Variants in PTPRT observed in about 807,000 individuals in gnomAD.
PTPRT encodes the protein receptor-type tyrosine-protein phosphatase T.
A neutral mutation model predicts 176.8 loss-of-function variants in PTPRT; 56 were observed. That is an observed-to-expected ratio of 0.32 (90% CI 0.26 to 0.40). The LOEUF (loss-of-function observed/expected upper bound fraction) is 0.40. PTPRT is among the 10% of genes least tolerant of loss of function. PTPRT has a pLI of 1.00. For synonymous variants in PTPRT, 783 were observed against 739.0 expected (o/e 1.06, Z -0.96); for missense variants, 1,540 against 1,908.2 (o/e 0.81, Z 3.60).
chr20:42,988,265 T>A (rs998138179), intron 1 of PTPRT, among the ~76,000 whole-genome samples: 1 of 152,222 alleles, frequency 6.6e-6, no homozygotes, highest in African/African-American at 2.4e-5. Flanking sequence ...GGCCTCACTT[T>A]CCTTGTCTAC....
At position 42,350,234 on chromosome 20, in the gene PTPRT, T is replaced by TTG. The variant is rs1568799608; in HGVS notation, c.1865+393_1865+394insCA. The stretch of plus-strand genomic sequence containing the variant: ...TTCTTGTTTTTTTTTTTTTTTTTTT[T>TTG]TTTTTTTTTTTTGAGACAGGGTCTC... On this transcript the variant is annotated intron_variant, in intron 11 of 30. Transcript: ENST00000373187. Among the ~76,000 whole-genome samples, 23 of 142,446 alleles carry TTG rather than the reference T, an allele frequency of 1.6e-4. No homozygotes were observed. The South Asian group carries it at 4.9e-3, about 30-fold the overall frequency. The allele number at this position is 142,446 out of a possible 152,430, so 93.5% of individuals were successfully genotyped here. A position where few individuals can be genotyped will look rare whatever the true frequency, so the allele number is the denominator to read the frequency against.
chr20:42,542,437 G>C (rs536463634), intron 7 of PTPRT, among the ~76,000 whole-genome samples: 2 of 152,170 alleles, frequency 1.3e-5, no homozygotes, highest in South Asian at 4.2e-4. Context: ...TGAAAAGATG[G>C]TCAAATTCCA....
intron 9 of PTPRT, among the ~76,000 whole-genome samples, chr20:42,415,086 A>G (rs1487795308): frequency 1.3e-5 from 2 of 152,228 alleles, no homozygotes; most frequent in African/African-American, 4.8e-5. Flanking sequence ...AGTAAAAGGC[A>G]GCAGTAGAGC....
intron 9 of PTPRT, among the ~76,000 whole-genome samples, chr20:42,358,681 T>C (rs1452784828): frequency 6.6e-6 from 1 of 152,202 alleles, no homozygotes; most frequent in Non-Finnish European, 1.5e-5. Context: ...GGGATGCTTT[T>C]GTGCAAAGTA....
intron 1 of PTPRT, among the ~76,000 whole-genome samples, chr20:43,020,841 G>A (rs1194274050): frequency 1.3e-5 from 2 of 152,082 alleles, no homozygotes; most frequent in Non-Finnish European, 2.9e-5. Flanking sequence ...CTTTCCCATT[G>A]TCAGAAAGAT....
chr20:42,053,167 G>A, the PTPRT span, among the ~76,000 whole-genome samples: 1 of 152,172 alleles, frequency 6.6e-6, no homozygotes, highest in South Asian at 2.1e-4. Context: ...TGTTTATTGA[G>A]TGCATGTTAA....
At chr20:42,176,961 A>G (rs1990320010) in intron 16 of PTPRT, among the ~76,000 whole-genome samples, 1 of 152,228 alleles carries the variant, frequency 6.6e-6, no homozygotes, top group South Asian at 2.1e-4. Context: ...ATTATGAACT[A>G]CAAAGACAAC....
rs939191257 is a variant in PTPRT at position 43,128,217 on chromosome 20, C to G, written c.88+61429G>C. Reference sequence around the variant, plus strand: ...GGCAGATGAAGCCAGCCCAAGGCCCCCATTTGGACAACTGGGAGATGTTCA... The same window carrying G: ...GGCAGATGAAGCCAGCCCAAGGCCCGCATTTGGACAACTGGGAGATGTTCA... On this transcript the variant is annotated intron_variant, in intron 1 of 30. Coordinates refer to ENST00000373187, the MANE Select transcript of PTPRT (RefSeq NM_007050.6). Among the ~76,000 whole-genome samples the G allele has an allele frequency of 2.0e-5, 3 of 152,254 alleles. No homozygotes were observed. In the East Asian group the frequency reaches 5.8e-4, roughly 29 times the overall value.
intron 17 of PTPRT, among the ~76,000 whole-genome samples, chr20:42,158,879 C>T (rs1408099504): frequency 6.6e-6 from 1 of 152,088 alleles, no homozygotes; most frequent in Non-Finnish European, 1.5e-5. Flanking sequence ...TTTGTTTTCT[C>T]ATTATAAAAG....
intron 12 of PTPRT, among the ~76,000 whole-genome samples, chr20:42,314,722 A>C (rs2057690670): frequency 6.6e-6 from 1 of 152,174 alleles, no homozygotes; most frequent in South Asian, 2.1e-4. Flanking sequence ...GAAAGACTAT[A>C]AACCAAGAAG....
At chr20:42,259,498 T>C (rs2056709193) in intron 13 of PTPRT, among the ~76,000 whole-genome samples, 1 of 152,198 alleles carries the variant, frequency 6.6e-6, no homozygotes, top group Non-Finnish European at 1.5e-5. Flanking sequence ...CTACTTTCTG[T>C]TGTGCCAAGG....
the PTPRT span, among the ~76,000 whole-genome samples, chr20:42,045,834 A>G: frequency 2.0e-5 from 3 of 152,154 alleles, no homozygotes; most frequent in Non-Finnish European, 4.4e-5. Flanking sequence ...TTATTTCTCT[A>G]TAAATCATCA....
Position 42,913,065 on chromosome 20 carries a change from ACAATC to A in PTPRT, c.89-27138_89-27134del, listed in dbSNP as rs1437068096. On this transcript the variant is annotated intron_variant, in intron 1 of 30. Coordinates refer to ENST00000373187, the MANE Select transcript of PTPRT (RefSeq NM_007050.6). ...TAGTCTCTCCATCAGTAAAATAGAA[ACAATC>A]ATCTCTTCTTTACAAAATTGCTGTA... Among the ~76,000 whole-genome samples the A allele has an allele frequency of 3.9e-5, 6 of 152,222 alleles. 1 individual carries two copies. The highest frequency in any genetic ancestry group is 2.0e-4 in the Admixed American group (3 of 15,286).
At chr20:42,984,422 C>T (rs1325151953) in intron 1 of PTPRT, among the ~76,000 whole-genome samples, 1 of 152,220 alleles carries the variant, frequency 6.6e-6, no homozygotes, top group East Asian at 1.9e-4. Flanking sequence ...GACACAAATA[C>T]AGCTCTCCAC....
intron 6 of PTPRT, among the ~76,000 whole-genome samples, chr20:42,680,149 G>A (rs952744747): frequency 7.2e-5 from 11 of 152,198 alleles, no homozygotes; most frequent in Non-Finnish European, 1.6e-4. Flanking sequence ...GACGCACTAA[G>A]CATTTCCCTT....
At chr20:42,858,687 C>A (rs778108204) in intron 2 of PTPRT, among the ~76,000 whole-genome samples, 6 of 152,200 alleles carry the variant, frequency 3.9e-5, no homozygotes, top group Non-Finnish European at 8.8e-5. Context: ...GCCTCTACAA[C>A]TGTGAGCAAT....
chr20:43,161,992 G>A (rs771331125), intron 1 of PTPRT, among the ~76,000 whole-genome samples: 10 of 152,158 alleles, frequency 6.6e-5, no homozygotes, highest in Non-Finnish European at 1.3e-4. Flanking sequence ...ACACAGACTC[G>A]ATAGATTATT....
At chr20:42,948,534 C>T (rs1004432064) in intron 1 of PTPRT, among the ~76,000 whole-genome samples, 9 of 152,098 alleles carry the variant, frequency 5.9e-5, no homozygotes, top group African/African-American at 1.9e-4. Context: ...TCTCTCTTTT[C>T]CAGTGAGCTT....
intron 9 of PTPRT, among the ~76,000 whole-genome samples, chr20:42,373,707 T>A (rs1243304551): frequency 6.6e-6 from 1 of 152,196 alleles, no homozygotes; most frequent in Non-Finnish European, 1.5e-5. Context: ...CAGAACGGTG[T>A]GACACCATGT....
Sources: allele counts gnomAD v4.1 joint callset (sites outside exome capture counted in the v4.1 genomes callset), GRCh38; gene constraint gnomAD v4.1.1; transcripts MANE v1.5; gene names NCBI Gene and HGNC (gene_info 2026-07-23, HGNC 2026-07-21).